Variants in PDE4B observed in about 807,000 individuals in gnomAD.
PDE4B encodes the protein 3',5'-cyclic-AMP phosphodiesterase 4B.
A neutral mutation model predicts 82.2 loss-of-function variants in PDE4B; 20 were observed. The ratio of observed to expected loss-of-function variants is 0.24; its 90% CI spans 0.17 to 0.35. The LOEUF is 0.35. Ranked by LOEUF, PDE4B falls within the 10% of genes least tolerant of loss-of-function variation. The pLI is 1.00. For synonymous variants in PDE4B, 320 were observed against 318.9 expected, an observed-to-expected ratio of 1.00 and a Z score of -0.04; for missense variants, 655 against 907.2, an observed-to-expected ratio of 0.72 and a Z score of 3.57.
At chr1:65,937,563 C>T (rs565375490) in intron 3 of PDE4B, among the ~76,000 whole-genome samples, 1 of 152,326 alleles carries the variant, frequency 6.6e-6, no homozygotes, top group East Asian at 1.9e-4. Context: ...ATGACACACA[C>T]ATCTGTTCAG....
At chr1:66,283,539 T>C (rs1322141556) in intron 7 of PDE4B, among the ~76,000 whole-genome samples, 1 of 138,562 alleles carries the variant, frequency 7.2e-6, no homozygotes, top group Non-Finnish European at 1.6e-5. Context: ...GATGGATCCT[T>C]GGTAGAATCC....
intron 3 of PDE4B, among the ~76,000 whole-genome samples, chr1:66,097,892 T>C (rs1570226517): frequency 6.7e-6 from 1 of 149,168 alleles, no homozygotes; most frequent in African/African-American, 2.5e-5. Context: ...TTTAAAGTGG[T>C]GATAGATTTT....
At chr1:65,995,760 A>C (rs1651507103) in intron 3 of PDE4B, among the ~76,000 whole-genome samples, 2 of 152,228 alleles carry the variant, frequency 1.3e-5, no homozygotes, top group African/African-American at 4.8e-5. Flanking sequence ...TAGAAATTCC[A>C]AGATATGCAC....
At chr1:66,122,162 G>T (rs1402105747) in intron 3 of PDE4B, among the ~76,000 whole-genome samples, 1 of 152,152 alleles carries the variant, frequency 6.6e-6, no homozygotes, top group African/African-American at 2.4e-5. Context: ...TAGCTTCTTT[G>T]AGCGTCCATT....
chr1:66,313,883 T>C (rs1320943759), intron 7 of PDE4B, among the ~76,000 whole-genome samples: 1 of 152,176 alleles, frequency 6.6e-6, no homozygotes, highest in Non-Finnish European at 1.5e-5. Flanking sequence ...TTGTTATGGA[T>C]GCACCCTAAA....
intron 3 of PDE4B, among the ~76,000 whole-genome samples, chr1:65,930,208 G>A (rs1262793803): frequency 1.3e-5 from 2 of 152,158 alleles, no homozygotes; most frequent in African/African-American, 4.8e-5. Context: ...CCTTATATTT[G>A]CTGGCAGTTC....
At chr1:65,803,852 A>C (rs534844732) in intron 1 of PDE4B, among the ~76,000 whole-genome samples, 2 of 152,314 alleles carry the variant, frequency 1.3e-5, no homozygotes, top group Admixed American at 1.3e-4. Context: ...TTTCTTGAAA[A>C]GTAAATTTTA....
Position 65,918,806 on chromosome 1 carries a change from C to T in PDE4B, c.252C>T (p.Ser84=). The stretch of plus-strand genomic sequence containing the variant: ...CACTGCCTTTGACAACGCTTCCAAG[C>T]ATTGCTATTACAACTGTAAGCCAGG... ...PTTLPLTTLP[S]IAITTVSQEC... Residue 84 remains serine, a synonymous_variant, in exon 3 of 17, where the codon AGC becomes AGT. Transcript: ENST00000341517. 1 of 1,612,172 alleles carries T rather than the reference C, an allele frequency of 6.2e-7. No homozygotes were observed. Among genetic ancestry groups the T allele is most frequent in the Non-Finnish European group, 8.5e-7 (1 of 1,178,184 alleles).
At chr1:66,196,614 A>T (rs1290587032) in intron 3 of PDE4B, among the ~76,000 whole-genome samples, 1 of 152,180 alleles carries the variant, frequency 6.6e-6, no homozygotes, top group Non-Finnish European at 1.5e-5. Flanking sequence ...TTGTCACAAA[A>T]AAGAAAAGTC....
intron 3 of PDE4B, among the ~76,000 whole-genome samples, chr1:66,222,556 G>A (rs2101608819): frequency 6.6e-6 from 1 of 152,162 alleles, no homozygotes; most frequent in East Asian, 1.9e-4. Flanking sequence ...GAATCTTATG[G>A]TCTAAAGGAG....
At chr1:66,368,299 C>T (rs951877572) in intron 15 of PDE4B, 14 of 456,128 alleles carry the variant, frequency 3.1e-5, no homozygotes, top group Middle Eastern at 1.1e-3. Context: ...ATAAATAAAT[C>T]GCAAAATCTA....
chr1:66,277,621 C>T (rs1158631388), intron 7 of PDE4B, among the ~76,000 whole-genome samples: 2 of 152,166 alleles, frequency 1.3e-5, no homozygotes, highest in Admixed American at 6.5e-5. Context: ...GTCTTCAACT[C>T]CTAACCTCGT....
chr1:66,071,250 G>C (rs955223337), intron 3 of PDE4B, among the ~76,000 whole-genome samples: 3 of 151,816 alleles, frequency 2.0e-5, no homozygotes, highest in Admixed American at 6.6e-5. Flanking sequence ...TTTTATTTTG[G>C]TTATTTTGGC....
intron 3 of PDE4B, among the ~76,000 whole-genome samples, chr1:66,201,686 G>A (rs563399692): frequency 1.6e-4 from 20 of 128,004 alleles, no homozygotes; most frequent in African/African-American, 6.1e-4. Context: ...GGGATCTGTG[G>A]TGATATCCCC....
intron 1 of PDE4B, among the ~76,000 whole-genome samples, chr1:65,837,510 A>G (rs1325957607): frequency 1.3e-5 from 2 of 152,196 alleles, no homozygotes; most frequent in Non-Finnish European, 2.9e-5. Context: ...TGGGAGGCTG[A>G]GGCAGGAGAA....
At chr1:66,024,305 C>T (rs1273799052) in intron 3 of PDE4B, among the ~76,000 whole-genome samples, 1 of 152,020 alleles carries the variant, frequency 6.6e-6, no homozygotes, top group Non-Finnish European at 1.5e-5. Flanking sequence ...CATCACTATA[C>T]CTTAGAGTTG....
intron 1 of PDE4B, among the ~76,000 whole-genome samples, chr1:65,898,422 G>C (rs1646934648): frequency 6.6e-6 from 1 of 151,748 alleles, no homozygotes. Flanking sequence ...TGTCAAGAAG[G>C]GTATTTCCCC....
intron 3 of PDE4B, among the ~76,000 whole-genome samples, chr1:66,183,308 T>C (rs1204711866): frequency 1.3e-5 from 2 of 152,212 alleles, no homozygotes; most frequent in African/African-American, 4.8e-5. Flanking sequence ...TGATAAACTC[T>C]AATCCTCCAA....
chr1:65,807,614 C>G (rs1645769136), intron 1 of PDE4B, among the ~76,000 whole-genome samples: 1 of 152,208 alleles, frequency 6.6e-6, no homozygotes, highest in African/African-American at 2.4e-5. Flanking sequence ...CCTCCTATCC[C>G]TCTAATCCCA....
Sources: allele counts gnomAD v4.1 joint callset (sites outside exome capture counted in the v4.1 genomes callset), GRCh38; gene constraint gnomAD v4.1.1; transcripts MANE v1.5; gene names NCBI Gene and HGNC (gene_info 2026-07-23, HGNC 2026-07-21).